Variants in IFT52 observed in about 807,000 individuals in gnomAD.
IFT52 encodes the protein intraflagellar transport protein 52 homolog.
Under a neutral mutation model 54.4 loss-of-function variants are expected in IFT52, and 44 were observed. That is an observed-to-expected ratio of 0.81 (90% CI 0.63 to 1.04). The LOEUF is 1.04. Among genes scored for constraint, IFT52 ranks in the 50% least tolerant of loss-of-function variants. The pLI is 0.00. For missense variants in IFT52, 452 were observed against 523.6 expected (o/e 0.86, Z 1.33); for synonymous variants, 181 against 185.3 (o/e 0.98, Z 0.19).
In IFT52 at chr20:43,611,082, T is replaced by C. The variant is rs556967731; in HGVS notation, c.486-2768T>C. On this transcript the variant is annotated intron_variant, in intron 6 of 13. Transcript: ENST00000373030. ...ATAGTGAAGGGAATATGTCTAGTTG[T>C]TCCTTTCCTGGATTATCCAGGAAAC... 2.0e-5 allele frequency among the ~76,000 whole-genome samples: 3 copies of C among 152,348 alleles called. No individual in the cohort carries two copies. The South Asian group carries it at 6.2e-4, about 32-fold the overall frequency.
At chr20:43,608,023 C>T (rs1009182932) in intron 6 of IFT52, among the ~76,000 whole-genome samples, 6 of 146,008 alleles carry the variant, frequency 4.1e-5, no homozygotes, top group African/African-American at 1.5e-4. Flanking sequence ...CGGTGCGCGC[C>T]TGCAATCACA....
chr20:43,629,718 C>T (rs1274280846), intron 10 of IFT52, among the ~76,000 whole-genome samples: 1 of 152,212 alleles, frequency 6.6e-6, no homozygotes, highest in Non-Finnish European at 1.5e-5. Context: ...ACAATTTGCT[C>T]TAAGTTAAAC....
chr20:43,635,883 A>G (rs958014595), intron 10 of IFT52, 43 bp from the exon 11 acceptor site: 30 of 1,554,952 alleles, frequency 1.9e-5, no homozygotes, highest in Non-Finnish European at 2.6e-5. Flanking sequence ...GTGCTGAGCT[A>G]TAGTGTCTTG....
rs370368058 is a variant in IFT52 at position 43,594,677 on chromosome 20, A to G, written c.-6-16A>G. The G allele has an allele frequency of 2.3e-6, 3 of 1,326,848 alleles. No individual in the cohort carries two copies. The highest frequency in any genetic ancestry group is 2.3e-5 in the East Asian group (1 of 43,598). The allele number at this position is 1,326,848 out of a possible 1,614,324, so 82.2% of individuals were successfully genotyped here. A position where few individuals can be genotyped will look rare whatever the true frequency, so the allele number is the denominator to read the frequency against. On this transcript the variant is annotated splice_polypyrimidine_tract_variant and intron_variant, in intron 1 of 13. Transcript: ENST00000373030. Reference sequence around the variant, plus strand: ...TATTGTTTATTGATTTTCTGATCCCATCTTTCTTCCATAAGGTAACCATGG... The same window carrying G: ...TATTGTTTATTGATTTTCTGATCCCGTCTTTCTTCCATAAGGTAACCATGG...
intron 6 of IFT52, among the ~76,000 whole-genome samples, chr20:43,610,870 T>C (rs1285845359): frequency 6.6e-6 from 1 of 152,246 alleles, no homozygotes; most frequent in Non-Finnish European, 1.5e-5. Flanking sequence ...ATTCCCTCTC[T>C]TACTTGCCAA....
intron 10 of IFT52, among the ~76,000 whole-genome samples, chr20:43,632,542 TG>T (rs1295516467): frequency 6.6e-6 from 1 of 152,238 alleles, no homozygotes; most frequent in Non-Finnish European, 1.5e-5. Flanking sequence ...ATTACAGGCA[TG>T]AGCCCCTGCA....
intron 8 of IFT52, among the ~76,000 whole-genome samples, chr20:43,619,599 G>A (rs1353022386): frequency 1.3e-5 from 2 of 152,114 alleles, no homozygotes; most frequent in African/African-American, 4.8e-5. Flanking sequence ...TGAGTGGAGA[G>A]GAGGGGCTGG....
Position 43,594,788 on chromosome 20 carries a change from A to G in IFT52, c.90A>G (p.Lys30=), listed in dbSNP as rs758333521. The change falls in exon 2 of 14, where the codon AAA becomes AAG. Residue 30 remains lysine (K), a synonymous_variant. Coordinates refer to ENST00000373030, the MANE Select transcript of IFT52 (RefSeq NM_016004.5). ...ACAATGGCTACAAATCCATGCAGAAAAAACTTCGGAGTAATTGGAAGATTC... is the reference window on the plus strand; with the variant it reads ...ACAATGGCTACAAATCCATGCAGAAGAAACTTCGGAGTAATTGGAAGATTC... ...TTNNGYKSMQ[K]KLRSNWKIQS... is the part of the protein sequence containing the mutation. The G allele has an allele frequency of 6.2e-7, 1 of 1,604,690 alleles. No individual in the cohort carries two copies. The highest frequency in any genetic ancestry group is 1.1e-5 in the South Asian group (1 of 90,860).
At chr20:43,598,852 C>T (rs958368307) in intron 3 of IFT52, among the ~76,000 whole-genome samples, 1 of 151,982 alleles carries the variant, frequency 6.6e-6, no homozygotes, top group African/African-American at 2.4e-5. Flanking sequence ...TACCTTTGTG[C>T]TGAGAGAGAA....
intron 9 of IFT52, among the ~76,000 whole-genome samples, chr20:43,621,886 A>G (rs541315008): frequency 7.0e-4 from 106 of 152,332 alleles, no homozygotes; most frequent in African/African-American, 2.3e-3. Context: ...ATACTTCCAC[A>G]TAAGTCATCT....
intron 10 of IFT52, among the ~76,000 whole-genome samples, chr20:43,635,674 C>T (rs113054763): frequency 4.1e-4 from 63 of 152,196 alleles, no homozygotes; most frequent in African/African-American, 1.4e-3. Flanking sequence ...CATTGATGGG[C>T]ATTTGGGTTG....
At chr20:43,612,850 T>TA (rs1983564880) in intron 6 of IFT52, among the ~76,000 whole-genome samples, 1 of 152,172 alleles carries the variant, frequency 6.6e-6, no homozygotes, top group African/African-American at 2.4e-5. Flanking sequence ...TTTCTAACCT[T>TA]ACGCCCTGGT....
intron 6 of IFT52, 84 bp downstream of exon 6, chr20:43,605,157 G>C: frequency 6.4e-7 from 1 of 1,556,230 alleles, no homozygotes; most frequent in Non-Finnish European, 8.6e-7. Context: ...TTTTGTTTCT[G>C]GTTACAAAAA....
At chr20:43,634,591 A>G (rs1985395001) in intron 10 of IFT52, among the ~76,000 whole-genome samples, 3 of 152,152 alleles carry the variant, frequency 2.0e-5, no homozygotes, top group Admixed American at 1.3e-4. Flanking sequence ...TAGAATGCAT[A>G]TTCTATTTAG....
intron 3 of IFT52, among the ~76,000 whole-genome samples, chr20:43,597,161 C>T (rs1198530553): frequency 2.0e-5 from 3 of 151,758 alleles, no homozygotes; most frequent in Admixed American, 6.6e-5. Flanking sequence ...CACCTGAGGT[C>T]GGGAGTTCAA....
chr20:43,607,664 T>G, intron 6 of IFT52, among the ~76,000 whole-genome samples: 2 of 124,982 alleles, frequency 1.6e-5, no homozygotes, highest in African/African-American at 6.3e-5. Flanking sequence ...CTTTCCAGAC[T>G]GGGCAGCCAG....
At position 43,622,780 on chromosome 20, in the gene IFT52, A is replaced by G. The variant is rs996549725; in HGVS notation, c.769-1111A>G. Among the ~76,000 whole-genome samples the G allele has an allele frequency of 2.2e-5, 3 of 135,692 alleles. 1 individual carries two copies. The highest frequency in any genetic ancestry group is 2.1e-4 in the East Asian group (1 of 4,700). 89.0% of individuals were successfully genotyped at this position (135,692 alleles called of 152,430 possible). On this transcript the variant is annotated intron_variant, in intron 9 of 13. Transcript: ENST00000373030. ...AAATATATACAAATTGTGTGTAAATATAAATATATACATATTTTTATATGT... is the reference window on the plus strand; with the variant it reads ...AAATATATACAAATTGTGTGTAAATGTAAATATATACATATTTTTATATGT...
chr20:43,624,169 C>T, intron 10 of IFT52, 124 bp downstream of exon 10: 1 of 1,060,482 alleles, frequency 9.4e-7, no homozygotes, highest in South Asian at 1.5e-5. Flanking sequence ...GTTCTCAGAT[C>T]TATGATGAGG....
chr20:43,641,554 C>T (rs1320628901), intron 12 of IFT52, among the ~76,000 whole-genome samples: 2 of 150,870 alleles, frequency 1.3e-5, no homozygotes, highest in Admixed American at 6.6e-5. Flanking sequence ...AGTGCAATGG[C>T]GTGATCTCAG....
Sources: gnomAD v4.1 joint callset for allele counts (sites outside exome capture counted in the v4.1 genomes callset) on GRCh38, gnomAD v4.1.1 for gene constraint, MANE v1.5 for transcripts, NCBI Gene and HGNC (gene_info 2026-07-23, HGNC 2026-07-21) for gene names.